Variants in PRKG1 observed in about 807,000 individuals in gnomAD.
The protein encoded by PRKG1 is protein kinase cGMP-dependent 1.
A neutral mutation model predicts 88.1 loss-of-function variants in PRKG1; 35 were observed. The ratio of observed to expected loss-of-function variants is 0.40; its 90% CI spans 0.30 to 0.53. The LOEUF is 0.53. Ranked by LOEUF, PRKG1 falls within the 20% of genes least tolerant of loss-of-function variation. The probability of loss-of-function intolerance (pLI) is 0.59; values close to 1 mark genes in which losing one functional copy is unlikely to be tolerated. For synonymous variants in PRKG1, 303 were observed against 292.5 expected (o/e 1.04, Z -0.37); for missense variants, 540 against 839.8 (o/e 0.64, Z 4.41).
chr10:52,287,798 A>C (rs1013505620), intron 14 of PRKG1, among the ~76,000 whole-genome samples: 6 of 152,020 alleles, frequency 3.9e-5, no homozygotes, highest in Non-Finnish European at 8.8e-5. Context: ...AAATTATCTA[A>C]TGAGGTCCTC....
chr10:51,748,934 A>C (rs1213393290), intron 3 of PRKG1, among the ~76,000 whole-genome samples: 1 of 152,220 alleles, frequency 6.6e-6, no homozygotes, highest in African/African-American at 2.4e-5. Flanking sequence ...TCCAATGTCA[A>C]ATTTATTGAT....
chr10:52,035,525 G>A (rs976915552), intron 5 of PRKG1, among the ~76,000 whole-genome samples: 66 of 152,288 alleles, frequency 4.3e-4, no homozygotes, highest in Non-Finnish European at 4.9e-4. Context: ...TAAATCAAGC[G>A]TGATCAGGGT....
intron 8 of PRKG1, among the ~76,000 whole-genome samples, chr10:52,160,092 C>A (rs907766256): frequency 7.2e-5 from 11 of 151,764 alleles, no homozygotes; most frequent in East Asian, 3.9e-4. Context: ...ATCTAAAAAA[C>A]CCCCAGAAAA....
intron 7 of PRKG1, among the ~76,000 whole-genome samples, chr10:52,073,958 CA>C (rs1490010236): frequency 1.3e-5 from 2 of 152,270 alleles, no homozygotes; most frequent in East Asian, 3.9e-4. Context: ...ATTTAATAAA[CA>C]AAATTTGAAT....
chr10:52,276,114 G>A (rs1030502049), intron 12 of PRKG1, among the ~76,000 whole-genome samples: 1 of 152,062 alleles, frequency 6.6e-6, no homozygotes, highest in Non-Finnish European at 1.5e-5. Flanking sequence ...CAGGAAAACG[G>A]TTATATCGTC....
chr10:51,749,469 C>G (rs1243577123), intron 3 of PRKG1, among the ~76,000 whole-genome samples: 1 of 152,132 alleles, frequency 6.6e-6, no homozygotes, highest in Non-Finnish European at 1.5e-5. Context: ...AGATCACTCT[C>G]TCTTCCTCTT....
intron 3 of PRKG1, among the ~76,000 whole-genome samples, chr10:51,531,707 C>T (rs1358000022): frequency 7.7e-6 from 1 of 130,076 alleles, no homozygotes; most frequent in African/African-American, 2.9e-5. Context: ...TGCAATGGCA[C>T]AATCTCAGCT....
intron 1 of PRKG1, among the ~76,000 whole-genome samples, chr10:51,047,973 G>A (rs1165497046): frequency 1.3e-5 from 2 of 152,168 alleles, no homozygotes; most frequent in East Asian, 3.9e-4. Flanking sequence ...GATCTACAGG[G>A]CATAAGGAAG....
intron 12 of PRKG1, among the ~76,000 whole-genome samples, chr10:52,273,196 A>G (rs1402251328): frequency 6.6e-6 from 1 of 152,074 alleles, no homozygotes; most frequent in East Asian, 1.9e-4. Flanking sequence ...ATCTTCTAAT[A>G]TAATTTATCC....
chr10:51,804,926 G>A (rs575477191), intron 4 of PRKG1, among the ~76,000 whole-genome samples: 19 of 152,100 alleles, frequency 1.2e-4, no homozygotes, highest in Admixed American at 3.9e-4. Flanking sequence ...TTTCCATGAC[G>A]TATGGTTAAG....
At chr10:51,638,093 A>C (rs1290573934) in intron 3 of PRKG1, among the ~76,000 whole-genome samples, 1 of 152,198 alleles carries the variant, frequency 6.6e-6, no homozygotes, top group Non-Finnish European at 1.5e-5. Flanking sequence ...TGATCTTAAC[A>C]ATTTAGAGTT....
chr10:51,913,223 C>T (rs1389711807), intron 5 of PRKG1, among the ~76,000 whole-genome samples: 2 of 152,176 alleles, frequency 1.3e-5, no homozygotes, highest in Non-Finnish European at 2.9e-5. Flanking sequence ...GCCACGGCGC[C>T]CACCCAATTT....
chr10:51,067,866 G>C (rs1367987189), intron 1 of PRKG1, among the ~76,000 whole-genome samples: 1 of 151,946 alleles, frequency 6.6e-6, no homozygotes, highest in Non-Finnish European at 1.5e-5. Flanking sequence ...TGTCTTTTAA[G>C]TTTAAATCTG....
At position 51,947,265 on chromosome 10, in the gene PRKG1, G is replaced by T. The variant is rs894916580; in HGVS notation, c.762+39695G>T. Among the ~76,000 whole-genome samples the T allele has an allele frequency of 2.6e-5, 4 of 152,278 alleles. No homozygotes were observed. In the South Asian group the frequency reaches 6.2e-4, roughly 24 times the overall value. ...ACTCCGTGGGCGTAGGACCCTCGGA[G>T]CCAGGTGTGGGATATAATCTCCTGG... is the stretch of plus-strand genomic sequence containing the variant. On this transcript the variant is annotated intron_variant, in intron 5 of 17. Transcript: ENST00000373980.
At chr10:51,233,541 G>A (rs1345306033) in intron 2 of PRKG1, among the ~76,000 whole-genome samples, 3 of 152,190 alleles carry the variant, frequency 2.0e-5, no homozygotes, top group Non-Finnish European at 2.9e-5. Flanking sequence ...AAACATGGAT[G>A]TGTACACCAA....
chr10:51,236,694 C>A (rs766185475), intron 2 of PRKG1, among the ~76,000 whole-genome samples: 32 of 151,832 alleles, frequency 2.1e-4, no homozygotes, highest in Non-Finnish European at 3.8e-4. Context: ...GTAGAGACTA[C>A]GGGGTTTCAC....
intron 5 of PRKG1, among the ~76,000 whole-genome samples, chr10:51,912,540 C>G (rs1842241358): frequency 6.6e-6 from 1 of 152,024 alleles, no homozygotes; most frequent in Admixed American, 6.6e-5. Context: ...TAAAACAATA[C>G]TTCCAGCAGA....
At chr10:51,810,272 A>G (rs1196491939) in intron 4 of PRKG1, among the ~76,000 whole-genome samples, 1 of 152,180 alleles carries the variant, frequency 6.6e-6, no homozygotes, top group African/African-American at 2.4e-5. Context: ...AAAGAACTTG[A>G]AGATGTTGTT....
At chr10:52,127,277 C>G (rs947358364) in intron 7 of PRKG1, among the ~76,000 whole-genome samples, 5 of 152,096 alleles carry the variant, frequency 3.3e-5, no homozygotes, top group Non-Finnish European at 7.4e-5. Context: ...CCAAGGAAAA[C>G]AGTGGTTTTG....
Sources: gnomAD v4.1 joint callset for allele counts (sites outside exome capture counted in the v4.1 genomes callset) on GRCh38, gnomAD v4.1.1 for gene constraint, MANE v1.5 for transcripts, NCBI Gene and HGNC (gene_info 2026-07-23, HGNC 2026-07-21) for gene names.